The following KCNH8 variants were observed in gnomAD, a reference collection of about 807,000 sequenced individuals.
The protein encoded by KCNH8 is potassium voltage-gated channel subfamily H member 8.
In KCNH8, 70 loss-of-function variants were observed where a neutral mutation model predicts 103.6. The observed-to-expected ratio is 0.68, with a 90% CI of 0.56 to 0.82. KCNH8 has a LOEUF of 0.82. KCNH8 is among the 40% of genes least tolerant of loss of function. The pLI is 0.00. For synonymous variants in KCNH8, 498 were observed against 489.4 expected, an observed-to-expected ratio of 1.02 and a Z score of -0.23; for missense variants, 1,217 against 1,329.9, an observed-to-expected ratio of 0.92 and a Z score of 1.32.
At chr3:19,267,099 T>C (rs1006604049) in intron 2 of KCNH8, among the ~76,000 whole-genome samples, 5 of 152,048 alleles carry the variant, frequency 3.3e-5, no homozygotes, top group African/African-American at 9.7e-5. Context: ...GCCTCAGTCC[T>C]GTCTGTCACA....
chr3:19,533,300 C>T (rs765541315), intron 15 of KCNH8, 95 bp from the exon 16 acceptor site: 36 of 750,338 alleles, frequency 4.8e-5, no homozygotes, highest in Middle Eastern at 3.6e-4. Context: ...AAAAGAAAAC[C>T]GAAAGAAATA....
chr3:19,479,165 A>G (rs1036940856), intron 11 of KCNH8, among the ~76,000 whole-genome samples: 1 of 152,078 alleles, frequency 6.6e-6, no homozygotes, highest in Non-Finnish European at 1.5e-5. Context: ...ACATACAGCA[A>G]TGGAGAGTTT....
At chr3:19,366,789 C>G (rs1288197947) in intron 5 of KCNH8, among the ~76,000 whole-genome samples, 1 of 152,016 alleles carries the variant, frequency 6.6e-6, no homozygotes, top group African/African-American at 2.4e-5. Context: ...CTCTTCCCGT[C>G]ACTCCAATAG....
At chr3:19,522,943 G>A (rs1359811220) in intron 15 of KCNH8, among the ~76,000 whole-genome samples, 4 of 151,736 alleles carry the variant, frequency 2.6e-5, no homozygotes, top group African/African-American at 9.7e-5. Context: ...TTGGTATAGT[G>A]TAAGTTACAC....
chr3:19,265,405 C>A (rs1296714502), intron 2 of KCNH8, among the ~76,000 whole-genome samples: 1 of 152,090 alleles, frequency 6.6e-6, no homozygotes, highest in Non-Finnish European at 1.5e-5. Flanking sequence ...TCTAAGCATG[C>A]AGTCTATGTG....
chr3:19,307,254 C>T (rs2065142355), intron 3 of KCNH8, among the ~76,000 whole-genome samples: 1 of 151,880 alleles, frequency 6.6e-6, no homozygotes, highest in African/African-American at 2.4e-5. Context: ...ATGATTTCAA[C>T]AGACATTTTT....
At position 19,377,444 on chromosome 3, in the gene KCNH8, T is replaced by G. The variant is rs913478229; in HGVS notation, c.812-13037T>G. Among the ~76,000 whole-genome samples the G allele has an allele frequency of 6.6e-5, 10 of 152,332 alleles. No homozygotes were observed. The South Asian group carries it at 1.2e-3, about 19-fold the overall frequency. Reference sequence around the variant, plus strand: ...CCAAGGGTGGTTATAGCCATTTAAATCAGACGTAGGGACAATTTCTTTTTA... The same window carrying G: ...CCAAGGGTGGTTATAGCCATTTAAAGCAGACGTAGGGACAATTTCTTTTTA... On this transcript the variant is annotated intron_variant, in intron 5 of 15. Coordinates refer to ENST00000328405, the MANE Select transcript of KCNH8 (RefSeq NM_144633.3).
At chr3:19,434,700 G>A (rs1010618252) in intron 7 of KCNH8, among the ~76,000 whole-genome samples, 3 of 151,920 alleles carry the variant, frequency 2.0e-5, no homozygotes, top group Non-Finnish European at 4.4e-5. Context: ...GTTAGTAAGA[G>A]TATTTTTTTA....
At chr3:19,461,814 C>G (rs1031536716) in intron 11 of KCNH8, among the ~76,000 whole-genome samples, 4 of 152,110 alleles carry the variant, frequency 2.6e-5, no homozygotes, top group Admixed American at 6.5e-5. Flanking sequence ...CATCCCTCCC[C>G]CTCCCAACCA....
At chr3:19,439,252 T>C (rs1559328411) in intron 8 of KCNH8, among the ~76,000 whole-genome samples, 5 of 152,244 alleles carry the variant, frequency 3.3e-5, no homozygotes, top group Admixed American at 6.5e-5. Context: ...ATATTTCTTA[T>C]ATGAACATAA....
At chr3:19,378,758 T>G (rs1181101979) in intron 5 of KCNH8, among the ~76,000 whole-genome samples, 1 of 152,244 alleles carries the variant, frequency 6.6e-6, no homozygotes, top group Non-Finnish European at 1.5e-5. Context: ...TACTTTATGG[T>G]GACAAGTTCT....
intron 2 of KCNH8, among the ~76,000 whole-genome samples, chr3:19,259,388 T>C (rs2064398091): frequency 6.6e-6 from 1 of 151,990 alleles, no homozygotes; most frequent in African/African-American, 2.4e-5. Context: ...TACTGGGTAA[T>C]AATAGACCTA....
At chr3:19,499,048 T>A (rs551459506) in intron 11 of KCNH8, among the ~76,000 whole-genome samples, 14 of 152,064 alleles carry the variant, frequency 9.2e-5, no homozygotes, top group East Asian at 1.9e-4. Flanking sequence ...TTGAAAAAAA[T>A]TTAGAAGAAT....
chr3:19,442,494 T>C (rs1373269357), intron 8 of KCNH8, among the ~76,000 whole-genome samples: 4 of 152,220 alleles, frequency 2.6e-5, no homozygotes, highest in Admixed American at 2.6e-4. Context: ...CCTGCTGTTC[T>C]CTGTAGGTAG....
intron 3 of KCNH8, among the ~76,000 whole-genome samples, chr3:19,302,123 CCT>C (rs1386244700): frequency 6.6e-6 from 1 of 152,062 alleles, no homozygotes; most frequent in Admixed American, 6.6e-5. Context: ...GTCTCTAATC[CCT>C]CTTCTTTTGG....
intron 12 of KCNH8, among the ~76,000 whole-genome samples, chr3:19,512,067 G>T (rs1337142833): frequency 6.6e-6 from 1 of 152,132 alleles, no homozygotes; most frequent in African/African-American, 2.4e-5. Flanking sequence ...TTGATGATCA[G>T]ATATAAGGGA....
rs1203343604 is a variant in KCNH8 at position 19,355,268 on chromosome 3, C to G, written c.811+7303C>G. ...GAGAGGATGTGGAGAAATAGGAACACTTTTACACTGTTGGTGGGACTGTAA... is the reference window on the plus strand; with the variant it reads ...GAGAGGATGTGGAGAAATAGGAACAGTTTTACACTGTTGGTGGGACTGTAA... On this transcript the variant is annotated intron_variant, in intron 5 of 15. Transcript: ENST00000328405. Among the ~76,000 whole-genome samples, 4 of 152,174 alleles carry G rather than the reference C, an allele frequency of 2.6e-5. No individual in the cohort carries two copies. In the South Asian group the frequency reaches 6.2e-4, roughly 24 times the overall value.
intron 3 of KCNH8, among the ~76,000 whole-genome samples, chr3:19,288,294 A>G (rs2064866115): frequency 6.9e-6 from 1 of 144,434 alleles, no homozygotes; most frequent in Admixed American, 7.4e-5. Flanking sequence ...TTTGTTACAT[A>G]TGTATACATG....
At chr3:19,484,692 T>C (rs966029420) in intron 11 of KCNH8, among the ~76,000 whole-genome samples, 2 of 152,114 alleles carry the variant, frequency 1.3e-5, no homozygotes, top group Non-Finnish European at 2.9e-5. Flanking sequence ...CCACGGTGGC[T>C]GTAAAGGGGC....
Sources: gnomAD v4.1 joint callset for allele counts (sites outside exome capture counted in the v4.1 genomes callset) on GRCh38, gnomAD v4.1.1 for gene constraint, MANE v1.5 for transcripts, NCBI Gene and HGNC (gene_info 2026-07-23, HGNC 2026-07-21) for gene names.